The following OSBPL1A variants were observed in gnomAD, a reference collection of about 807,000 sequenced individuals.
The protein encoded by OSBPL1A is oxysterol binding protein like 1A, also known as oxysterol-binding protein-related protein 1.
Under a neutral mutation model 137.1 loss-of-function variants are expected in OSBPL1A, and 80 were observed. That is an observed-to-expected ratio of 0.58 (90% CI 0.49 to 0.70). OSBPL1A has a LOEUF of 0.70. OSBPL1A is among the 30% of genes least tolerant of loss of function. OSBPL1A has a pLI of 0.00. For missense variants in OSBPL1A, 970 were observed against 1,129.4 expected (o/e 0.86, Z 2.02); for synonymous variants, 365 against 389.7 (o/e 0.94, Z 0.75).
In OSBPL1A at chr18:24,368,314, G is replaced by A; in HGVS notation, c.180C>T (p.His60=). 6.2e-7 allele frequency: 1 copy of A among 1,613,294 alleles called. No individual in the cohort carries two copies. The highest frequency in any genetic ancestry group is 8.5e-7 in the Non-Finnish European group (1 of 1,179,382). The change falls in exon 3 of 28, where the codon CAC becomes CAT. Residue 60 remains histidine, a synonymous_variant. Transcript: ENST00000319481. Reference sequence around the variant, plus strand: ...TCAACAGATCCTGGACCACTTGTCTGTGTCCAAAATAGCATGCCAGATGTA... The same window carrying A: ...TCAACAGATCCTGGACCACTTGTCTATGTCCAAAATAGCATGCCAGATGTA... ...TPLHLACYFG[H]RQVVQDLLKA... is the part of the protein sequence containing the mutation.
chr18:24,288,677 A>G (rs1338583656), intron 14 of OSBPL1A, among the ~76,000 whole-genome samples: 1 of 152,058 alleles, frequency 6.6e-6, no homozygotes, highest in Admixed American at 6.6e-5. Context: ...CTGGGGCAGG[A>G]GAATCACTTA....
At chr18:24,321,104 T>G (rs1411109877) in intron 7 of OSBPL1A, among the ~76,000 whole-genome samples, 1 of 152,000 alleles carries the variant, frequency 6.6e-6, no homozygotes, top group Non-Finnish European at 1.5e-5. Context: ...GTTCCATGAT[T>G]TTGATAAATT....
At chr18:24,274,279 AG>A (rs1240675353) in intron 15 of OSBPL1A, among the ~76,000 whole-genome samples, 7 of 150,240 alleles carry the variant, frequency 4.7e-5, no homozygotes, top group African/African-American at 1.7e-4. Flanking sequence ...AAAGATAGGG[AG>A]GAAGAAGGAG....
At chr18:24,289,002 C>T (rs2090124510) in intron 14 of OSBPL1A, among the ~76,000 whole-genome samples, 1 of 151,780 alleles carries the variant, frequency 6.6e-6, no homozygotes, top group African/African-American at 2.4e-5. Flanking sequence ...AACTGATCAA[C>T]AAAATATATT....
At chr18:24,180,236 G>T (rs1241471518) in intron 19 of OSBPL1A, among the ~76,000 whole-genome samples, 1 of 152,166 alleles carries the variant, frequency 6.6e-6, no homozygotes, top group Admixed American at 6.5e-5. Context: ...GGAAAATGCT[G>T]ACTTATATAG....
At chr18:24,278,997 A>G (rs2089900757) in intron 15 of OSBPL1A, among the ~76,000 whole-genome samples, 1 of 152,224 alleles carries the variant, frequency 6.6e-6, no homozygotes, top group Non-Finnish European at 1.5e-5. Context: ...GTGATAGTTA[A>G]TATAATTCTA....
chr18:24,184,988 T>C (rs1023283636), intron 18 of OSBPL1A, among the ~76,000 whole-genome samples: 23 of 152,180 alleles, frequency 1.5e-4, no homozygotes, highest in African/African-American at 5.6e-4. Flanking sequence ...TTTGGAATAT[T>C]ATTCAGTGCT....
intron 17 of OSBPL1A, among the ~76,000 whole-genome samples, chr18:24,210,164 C>A (rs760802384): frequency 6.6e-6 from 1 of 152,138 alleles, no homozygotes; most frequent in Non-Finnish European, 1.5e-5. Context: ...CAGTGGCTCA[C>A]GCCTGTAATC....
rs556386507 is a variant in OSBPL1A at position 24,377,447 on chromosome 18, C to T, written c.87G>A (p.Ala29=). 5 of 1,610,482 alleles carry T rather than the reference C, an allele frequency of 3.1e-6. No homozygotes were observed. The African/African-American group carries it at 5.3e-5, about 17-fold the overall frequency. The change falls in exon 2 of 28, where the codon GCG becomes GCA. Residue 29 remains alanine, a synonymous_variant. Coordinates refer to ENST00000319481, the MANE Select transcript of OSBPL1A (RefSeq NM_080597.4). The part of the protein sequence containing the change: ...EEVRQLLETM[A]RNEVIADINC... ...TAATGTCAGCAATCACTTCATTCCT[C>T]GCCATGGTCTCTAATAGTTGTCTTA... is the stretch of plus-strand genomic sequence containing the variant.
rs767143771 is a variant in OSBPL1A at position 24,280,892 on chromosome 18, T to C, written c.1231A>G (p.Thr411Ala). 11 of 1,610,178 alleles carry C rather than the reference T, an allele frequency of 6.8e-6. No homozygotes were observed. Among genetic ancestry groups the C allele is most frequent in the South Asian group, 1.1e-5 (1 of 89,940 alleles). ...AGGCAATCAGTCAAAGCTACACAAG[T>C]TTCTCTAGAAGCTTCTGAGACAACT... ...VEVVSEASRE[T>A]CVALTDCLNL... The change falls in exon 15 of 28, where the codon ACT (threonine) becomes GCT (alanine). Residue 411 changes from threonine to alanine, a missense_variant. This residue lies in a region of OSBPL1A where 647 missense variants were observed against 672.6 expected (regional missense o/e 0.96). Transcript: ENST00000319481.
chr18:24,325,563 C>G (rs984405159), intron 7 of OSBPL1A, among the ~76,000 whole-genome samples: 1 of 152,154 alleles, frequency 6.6e-6, no homozygotes, highest in African/African-American at 2.4e-5. Flanking sequence ...TTCTAAGATA[C>G]CCCCCATCCT....
At chr18:24,253,251 C>T (rs1179330123) in intron 15 of OSBPL1A, among the ~76,000 whole-genome samples, 8 of 148,306 alleles carry the variant, frequency 5.4e-5, no homozygotes, top group African/African-American at 2.0e-4. Flanking sequence ...CAAAGGTACA[C>T]ATAGAGTGAA....
chr18:24,313,498 C>G lies in OSBPL1A; in HGVS notation c.969+751G>C, dbSNP rs2730013. Among the ~76,000 whole-genome samples, 4 of 151,822 alleles carry G rather than the reference C, an allele frequency of 2.6e-5. No individual in the cohort carries two copies. The South Asian group carries it at 8.3e-4, about 32-fold the overall frequency. ...TATTGGTCAAGTAAATCCCAATTTTCTAGCTTGCTGCTGTTGTTTAATTTA... is the reference window on the plus strand; with the variant it reads ...TATTGGTCAAGTAAATCCCAATTTTGTAGCTTGCTGCTGTTGTTTAATTTA... On this transcript the variant is annotated intron_variant, in intron 12 of 27. Coordinates refer to ENST00000319481, the MANE Select transcript of OSBPL1A (RefSeq NM_080597.4).
intron 7 of OSBPL1A, among the ~76,000 whole-genome samples, chr18:24,328,216 G>GTTTTTTTTTTTT (rs1292001089): frequency 4.2e-5 from 2 of 47,588 alleles, no homozygotes; most frequent in East Asian, 8.8e-4. Context: ...CTAATTTTTT[G>GTTTTTTTTTTTT]TATTTTTTTT....
At chr18:24,230,001 CG>C (rs1002602349) in intron 16 of OSBPL1A, among the ~76,000 whole-genome samples, 2 of 152,214 alleles carry the variant, frequency 1.3e-5, no homozygotes, top group African/African-American at 4.8e-5. Flanking sequence ...CCGCCCACCT[CG>C]GCCTCCCAAA....
At chr18:24,318,499 C>A in intron 9 of OSBPL1A, 102 bp downstream of exon 9, 3 of 997,480 alleles carry the variant, frequency 3.0e-6, no homozygotes, top group South Asian at 3.0e-5. Context: ...GCGATTAAAT[C>A]ACATATACTT....
intron 14 of OSBPL1A, among the ~76,000 whole-genome samples, chr18:24,282,419 C>T (rs1021994133): frequency 1.3e-5 from 2 of 152,124 alleles, no homozygotes; most frequent in African/African-American, 4.8e-5. Context: ...GGTCTTTTCA[C>T]TCTCAAAAAT....
At chr18:24,310,712 T>C (rs1473063125) in intron 13 of OSBPL1A, among the ~76,000 whole-genome samples, 4 of 142,058 alleles carry the variant, frequency 2.8e-5, no homozygotes, top group Non-Finnish European at 6.4e-5. Flanking sequence ...CTTTTAAAAT[T>C]ATCATAATCC....
At chr18:24,187,379 G>T (rs2086778996) in intron 18 of OSBPL1A, among the ~76,000 whole-genome samples, 1 of 152,140 alleles carries the variant, frequency 6.6e-6, no homozygotes. Flanking sequence ...AATGGTGAAG[G>T]TGGTGCCTTT....
Sources: gnomAD v4.1 joint callset for allele counts (sites outside exome capture counted in the v4.1 genomes callset) on GRCh38, gnomAD v4.1.1 for gene constraint, gnomAD v4.1.1 regional missense constraint, MANE v1.5 for transcripts, NCBI Gene and HGNC (gene_info 2026-07-23, HGNC 2026-07-21) for gene names.